Variants in NCOR2 observed in about 807,000 individuals in gnomAD.
NCOR2 encodes the protein nuclear receptor corepressor 2.
A neutral mutation model predicts 262.9 loss-of-function variants in NCOR2; 81 were observed. That is an observed-to-expected ratio of 0.31 (90% confidence interval 0.26 to 0.37). The LOEUF is 0.37. NCOR2 is among the 10% of genes least tolerant of loss of function. The pLI is 1.00. For missense variants in NCOR2, 3,385 were observed against 3,621.4 expected (o/e 0.93, Z 1.68); for synonymous variants, 1,659 against 1,559.3 (o/e 1.06, Z -1.51).
intron 1 of NCOR2, among the ~76,000 whole-genome samples, chr12:124,526,347 G>A (rs570793978): frequency 1.0e-3 from 158 of 152,326 alleles, no homozygotes; most frequent in Non-Finnish European, 1.8e-3. Flanking sequence ...GCCCAGCAAC[G>A]CAGGCCCTGT....
intron 1 of NCOR2, among the ~76,000 whole-genome samples, chr12:124,544,399 G>C (rs1280350835): frequency 6.6e-6 from 1 of 152,218 alleles, no homozygotes; most frequent in Non-Finnish European, 1.5e-5. Context: ...CTCTGCCCCG[G>C]GCTGCCCGCC....
chr12:124,402,671 C>T lies in NCOR2; in HGVS notation c.1483-110G>A, dbSNP rs138231501. On this transcript the variant is annotated intron_variant, in intron 13 of 46. Coordinates refer to ENST00000405201, the Ensembl canonical transcript of NCOR2. ...GAGCTGGGGGAGGAGGAGGAAAACC[C>T]GTGGAGTCCACCCAGAAGAGGTCAT... 501 of 1,519,386 alleles carry T rather than the reference C, an allele frequency of 3.3e-4. 2 individuals are homozygous for T. In the African/African-American group the frequency reaches 5.6e-3, roughly 17 times the overall value. The allele number at this position is 1,519,386 out of a possible 1,614,324, so 94.1% of individuals were successfully genotyped here.
intron 45 of NCOR2, among the ~76,000 whole-genome samples, chr12:124,326,665 C>G (rs1194408100): frequency 6.6e-6 from 1 of 152,136 alleles, no homozygotes; most frequent in Non-Finnish European, 1.5e-5. Flanking sequence ...ACCCCAGCCC[C>G]AGGGGCTGGA....
At chr12:124,462,412 G>A (rs940335891) in intron 5 of NCOR2, among the ~76,000 whole-genome samples, 14 of 152,186 alleles carry the variant, frequency 9.2e-5, no homozygotes, top group African/African-American at 1.2e-4. Context: ...TCAGGGCAAC[G>A]GCCTACCCGG....
chr12:124,549,885 C>T lies in NCOR2; in HGVS notation c.-164-14274G>A, dbSNP rs535509465. ...GTCACGCCTGCCTAGGGGAAGTACA[C>T]GCTAGGTACTTATGGCAAGTATGTG... On this transcript the variant is annotated intron_variant, in intron 1 of 32. Coordinates refer to the NCOR2 transcript ENST00000458234. This position sits in a 1 kb window ranked among gnomAD's most constrained non-coding sequence, Gnocchi z 4.4. 3.3e-5 allele frequency among the ~76,000 whole-genome samples: 5 copies of T among 152,230 alleles called. No homozygotes were observed. The South Asian group carries it at 8.3e-4, about 25-fold the overall frequency.
At chr12:124,333,252 G>A in exon 42 of NCOR2, 1 of 1,611,386 alleles carries the variant, frequency 6.2e-7, no homozygotes, top group Non-Finnish European at 8.5e-7. Context: ...CACCACCCAA[G>A]ACCGACGTCT....
chr12:124,541,389 C>T (rs2137220379), intron 1 of NCOR2, among the ~76,000 whole-genome samples: 1 of 8,100 alleles, frequency 1.2e-4, no homozygotes, highest in East Asian at 3.0e-3. Context: ...AAGTGGAGAG[C>T]TGGAGGAGGA....
In NCOR2 at chr12:124,360,241, G is replaced by A. The variant is rs186002354; in HGVS notation, c.3100+1885C>T. On this transcript the variant is annotated intron_variant, in intron 22 of 46. Transcript: ENST00000405201. ...GTCTCCCAGAGCCACACCCTGGGCC[G>A]CACACTGTACCCTGGCCCCAGGTAG... Among the ~76,000 whole-genome samples the A allele has an allele frequency of 1.4e-4, 22 of 152,348 alleles. No individual in the cohort carries two copies. The East Asian group carries it at 1.5e-3, about 11-fold the overall frequency.
chr12:124,425,052 A>G (rs892047938), intron 11 of NCOR2, among the ~76,000 whole-genome samples: 1 of 152,322 alleles, frequency 6.6e-6, no homozygotes, highest in African/African-American at 2.4e-5. Flanking sequence ...ATGCGGCCCA[A>G]TACAAATTCG....
At chr12:124,335,378 A>G (rs2135779420) in intron 39 of NCOR2, 98 bp from the exon 42 acceptor site, 8 of 1,507,720 alleles carry the variant, frequency 5.3e-6, no homozygotes, top group Non-Finnish European at 7.1e-6. Flanking sequence ...TGATCCAGCC[A>G]ATTCCTTGGC....
rs781037166 is a variant in NCOR2 at position 124,363,663 on chromosome 12, G to T, written c.2928+16C>A. The T allele has an allele frequency of 3.7e-6, 5 of 1,368,388 alleles. No homozygotes were observed. The East Asian group carries it at 1.4e-4, about 38-fold the overall frequency. The allele number at this position is 1,368,388 out of a possible 1,614,324, so 84.8% of individuals were successfully genotyped here. ...GTCAGGGTGGACTCTGTGGGGCTCT[G>T]GGGGTGGGCACTCACGATGGGGGGG... On this transcript the variant is annotated intron_variant, in intron 21 of 46. Coordinates refer to ENST00000405201, the Ensembl canonical transcript of NCOR2.
At chr12:124,357,704 A>G (rs557746695) in intron 22 of NCOR2, among the ~76,000 whole-genome samples, 32 of 152,404 alleles carry the variant, frequency 2.1e-4, no homozygotes, top group South Asian at 1.0e-3. Context: ...TGTCTGGCCC[A>G]CAAAGCCTAA....
rs968052915 is a variant in NCOR2 at position 124,327,728 on chromosome 12, A to G, written c.6959-95T>C. Reference sequence around the variant, plus strand: ...AGAGAGAGAAGGGAGAGAGAGAGGGAAGGAGGAGGAGGAGGAGGAGGAGAG... The same window carrying G: ...AGAGAGAGAAGGGAGAGAGAGAGGGGAGGAGGAGGAGGAGGAGGAGGAGAG... On this transcript the variant is annotated intron_variant, in intron 44 of 46. Coordinates refer to ENST00000405201, the Ensembl canonical transcript of NCOR2. 368 of 820,068 alleles carry G rather than the reference A, an allele frequency of 4.5e-4. 1 individual carries two copies. The South Asian group carries it at 5.3e-3, about 12-fold the overall frequency. The allele number at this position is 820,068 out of a possible 1,614,324, so 50.8% of individuals were successfully genotyped here.
At position 124,506,585 on chromosome 12, in the gene NCOR2, G is replaced by A. The variant is rs995542911; in HGVS notation, c.-117-11217C>T. Among the ~76,000 whole-genome samples, 24 of 149,750 alleles carry A rather than the reference G, an allele frequency of 1.6e-4. No homozygotes were observed. The Middle Eastern group carries it at 0.014, about 87-fold the overall frequency. On this transcript the variant is annotated intron_variant, in intron 1 of 46. Transcript: ENST00000404621. ...AGGTTCCTGTGGCTCCACCCGAGAA[G>A]CCCTGCACGGGGAGCGGCCCTCCCC...
exon 20 of NCOR2, chr12:124,372,026 T>C (rs2039561430): frequency 6.3e-7 from 1 of 1,587,294 alleles, no homozygotes; most frequent in African/African-American, 1.3e-5. Context: ...ACTCACCGGT[T>C]CTTGTCGCCG....
At chr12:124,332,581 G>A (rs1450247256) in intron 42 of NCOR2, 114 bp from the exon 45 acceptor site, 12 of 1,328,394 alleles carry the variant, frequency 9.0e-6, no homozygotes, top group South Asian at 3.8e-5. Flanking sequence ...AGCTTCACCC[G>A]CCCCCACGCC....
upstream of NCOR2, chr12:124,567,512 G>GCGGGCGCAGGGCT (rs1434231417): frequency 6.8e-6 from 1 of 146,846 alleles, no homozygotes; most frequent in East Asian, 2.0e-4. Flanking sequence ...AGCGCAGGGC[G>GCGGGCGCAGGGCT]CGGGCGCAGG....
intron 4 of NCOR2, among the ~76,000 whole-genome samples, chr12:124,471,257 C>A (rs1024094928): frequency 5.9e-5 from 9 of 152,242 alleles, no homozygotes; most frequent in African/African-American, 1.7e-4. Flanking sequence ...GAAGCCTACT[C>A]TCACCAGCCT....
At chr12:124,561,969 T>G (rs889346865) in intron 1 of NCOR2, 1 of 152,340 alleles carries the variant, frequency 6.6e-6, no homozygotes, top group South Asian at 2.1e-4. Flanking sequence ...TGAGCTGTGA[T>G]GGTACCACTG....
Sources: gnomAD v4.1 joint callset for allele counts (sites outside exome capture counted in the v4.1 genomes callset) on GRCh38, gnomAD v4.1.1 for gene constraint, Gnocchi (gnomAD v3.1) non-coding constraint, MANE v1.5 for transcripts, NCBI Gene and HGNC (gene_info 2026-07-23, HGNC 2026-07-21) for gene names.